Variants in CNTNAP5 observed in about 807,000 individuals in gnomAD.
CNTNAP5 encodes contactin associated protein family member 5.
A neutral mutation model predicts 150.2 loss-of-function variants in CNTNAP5; 72 were observed. The observed-to-expected ratio is 0.48, with a 90% CI of 0.40 to 0.58. The LOEUF is 0.58. Among genes scored for constraint, CNTNAP5 ranks in the 20% least tolerant of loss-of-function variants. The pLI, the probability that CNTNAP5 is intolerant of heterozygous loss-of-function variation, is 0.00. For missense variants in CNTNAP5, 1,636 were observed against 1,626.2 expected (o/e 1.01, Z -0.10); for synonymous variants, 672 against 619.8 (o/e 1.08, Z -1.25).
In CNTNAP5 at chr2:124,857,825, GA is replaced by G. The variant is rs35519548; in HGVS notation, c.3218-7472del. 9.8e-3 allele frequency among the ~76,000 whole-genome samples: 1,461 copies of G among 149,352 alleles called. 20 individuals are homozygous for G. Among genetic ancestry groups the G allele is most frequent in the African/African-American group, 0.034 (1,384 of 40,654 alleles). ...CTGGGCAACAAGAGTGACACTTCAT[GA>G]AAAAAAAACACCACAAAAACAAAAA... On this transcript the variant is annotated intron_variant, in intron 19 of 23. Transcript: ENST00000682447.
chr2:124,202,421 T>C (rs888556397), intron 1 of CNTNAP5, among the ~76,000 whole-genome samples: 2 of 152,198 alleles, frequency 1.3e-5, no homozygotes, highest in Non-Finnish European at 2.9e-5. Flanking sequence ...TCTTGGGATG[T>C]CTTTAGTAGT....
intron 1 of CNTNAP5, among the ~76,000 whole-genome samples, chr2:124,110,961 G>C (rs1160699014): frequency 6.6e-6 from 1 of 152,128 alleles, no homozygotes; most frequent in African/African-American, 2.4e-5. Flanking sequence ...CACAAGTGAG[G>C]CTCCTCTGAT....
intron 13 of CNTNAP5, among the ~76,000 whole-genome samples, chr2:124,723,375 C>T (rs551565231): frequency 6.6e-6 from 1 of 152,224 alleles, no homozygotes; most frequent in East Asian, 1.9e-4. Flanking sequence ...TGTCTGAGAC[C>T]TCAAAAATCG....
At chr2:124,138,756 C>T (rs944718171) in intron 1 of CNTNAP5, among the ~76,000 whole-genome samples, 2 of 152,036 alleles carry the variant, frequency 1.3e-5, no homozygotes, top group African/African-American at 2.4e-5. Flanking sequence ...TCTAGAATCT[C>T]CGAAATACGG....
intron 10 of CNTNAP5, among the ~76,000 whole-genome samples, chr2:124,538,351 GC>G (rs1480452827): frequency 6.6e-6 from 1 of 152,088 alleles, no homozygotes; most frequent in Non-Finnish European, 1.5e-5. Flanking sequence ...GGTGGCGCAC[GC>G]CTATAATCCC....
At chr2:124,600,256 G>A (rs560547965) in intron 11 of CNTNAP5, among the ~76,000 whole-genome samples, 3 of 151,624 alleles carry the variant, frequency 2.0e-5, no homozygotes, top group East Asian at 1.9e-4. Context: ...ACTCTTTGTC[G>A]TTTACCATCT....
At chr2:124,684,863 C>T (rs904907813) in intron 13 of CNTNAP5, among the ~76,000 whole-genome samples, 1 of 152,110 alleles carries the variant, frequency 6.6e-6, no homozygotes, top group Non-Finnish European at 1.5e-5. Flanking sequence ...TAAGAGGTCA[C>T]ACAAGTTGTC....
At chr2:124,061,843 A>T (rs536461587) in intron 1 of CNTNAP5, among the ~76,000 whole-genome samples, 65 of 152,208 alleles carry the variant, frequency 4.3e-4, no homozygotes, top group African/African-American at 1.4e-3. Context: ...TATCTTAAGG[A>T]TTAGCACTAT....
At chr2:124,868,133 G>T (rs758747707) in intron 20 of CNTNAP5, among the ~76,000 whole-genome samples, 10 of 152,068 alleles carry the variant, frequency 6.6e-5, no homozygotes, top group Non-Finnish European at 1.5e-4. Context: ...ACATCTCCCT[G>T]CTCCTCTTTA....
At chr2:124,075,265 C>A (rs553128329) in intron 1 of CNTNAP5, among the ~76,000 whole-genome samples, 1 of 152,138 alleles carries the variant, frequency 6.6e-6, no homozygotes, top group Admixed American at 6.6e-5. Flanking sequence ...AAGCAGGCAT[C>A]TTTTCTAATC....
intron 1 of CNTNAP5, among the ~76,000 whole-genome samples, chr2:124,210,913 G>A (rs2104724176): frequency 6.6e-6 from 1 of 152,216 alleles, no homozygotes; most frequent in East Asian, 1.9e-4. Context: ...CCAGCCAGCT[G>A]TCCCAACCTG....
intron 10 of CNTNAP5, among the ~76,000 whole-genome samples, chr2:124,539,620 G>A (rs1695330408): frequency 6.6e-6 from 1 of 152,124 alleles, no homozygotes; most frequent in Non-Finnish European, 1.5e-5. Flanking sequence ...TTAAACAAAA[G>A]CAAGGCGATA....
At chr2:124,840,447 G>C (rs1682921444) in intron 19 of CNTNAP5, among the ~76,000 whole-genome samples, 1 of 152,066 alleles carries the variant, frequency 6.6e-6, no homozygotes, top group South Asian at 2.1e-4. Context: ...TTTGTTTGTA[G>C]ATGTGAGCTC....
intron 3 of CNTNAP5, among the ~76,000 whole-genome samples, chr2:124,376,390 G>A (rs1220858225): frequency 6.6e-6 from 1 of 152,080 alleles, no homozygotes; most frequent in African/African-American, 2.4e-5. Context: ...CCTTGCAGTG[G>A]TTATTTACAA....
chr2:124,422,592 A>T (rs764054645), intron 4 of CNTNAP5, among the ~76,000 whole-genome samples: 47 of 152,220 alleles, frequency 3.1e-4, no homozygotes, highest in Non-Finnish European at 5.0e-4. Context: ...TTGGAATCTG[A>T]AATTCTCTTG....
At chr2:124,248,470 T>A (rs1397522549) in intron 3 of CNTNAP5, among the ~76,000 whole-genome samples, 1 of 152,192 alleles carries the variant, frequency 6.6e-6, no homozygotes, top group Admixed American at 6.5e-5. Context: ...TTTTAGATGA[T>A]CTTATAACTG....
intron 3 of CNTNAP5, among the ~76,000 whole-genome samples, chr2:124,323,768 T>G (rs2104671858): frequency 6.6e-6 from 1 of 152,340 alleles, no homozygotes; most frequent in East Asian, 1.9e-4. Flanking sequence ...AAGAAAGCAT[T>G]ACCTCATCTT....
At chr2:124,911,212 T>A (rs1386597947) in intron 22 of CNTNAP5, among the ~76,000 whole-genome samples, 1 of 151,888 alleles carries the variant, frequency 6.6e-6, no homozygotes, top group African/African-American at 2.4e-5. Flanking sequence ...GATACCACCA[T>A]CCTCTGTTTT....
chr2:124,743,140 C>T (rs1371287621), intron 13 of CNTNAP5, among the ~76,000 whole-genome samples: 1 of 152,132 alleles, frequency 6.6e-6, no homozygotes, highest in African/African-American at 2.4e-5. Flanking sequence ...TGTGGAACCT[C>T]CTTAAGCCCT....
Sources: gnomAD v4.1 joint callset for allele counts (sites outside exome capture counted in the v4.1 genomes callset) on GRCh38, gnomAD v4.1.1 for gene constraint, MANE v1.5 for transcripts, NCBI Gene and HGNC (gene_info 2026-07-23, HGNC 2026-07-21) for gene names.